The following DLC1 variants were observed in gnomAD, a reference collection of about 807,000 sequenced individuals.
DLC1 encodes the protein rho GTPase-activating protein 7.
In DLC1, 54 loss-of-function variants were observed where a neutral mutation model predicts 140.3. That is an observed-to-expected ratio of 0.38 (90% CI 0.31 to 0.48). The LOEUF is 0.48. DLC1 is among the 20% of genes least tolerant of loss of function. The probability of loss-of-function intolerance (pLI) is 0.96; values close to 1 mark genes in which losing one functional copy is unlikely to be tolerated. For missense variants in DLC1, 2,536 were observed against 1,907.0 expected, an observed-to-expected ratio of 1.33 and a Z score of -6.14; for synonymous variants, 986 against 728.1, an observed-to-expected ratio of 1.35 and a Z score of -5.70.
chr8:13,176,829 A>T (rs1429709238), intron 5 of DLC1, among the ~76,000 whole-genome samples: 1 of 152,188 alleles, frequency 6.6e-6, no homozygotes, highest in African/African-American at 2.4e-5. Flanking sequence ...TGTAATCACA[A>T]GAGTCCTTAC....
chr8:13,491,705 C>T (rs926178907), intron 2 of DLC1, among the ~76,000 whole-genome samples: 1 of 152,130 alleles, frequency 6.6e-6, no homozygotes, highest in African/African-American at 2.4e-5. Flanking sequence ...CCAGATTTTA[C>T]ATGATTCCCT....
chr8:13,221,033 A>T (rs1470136560), intron 5 of DLC1, among the ~76,000 whole-genome samples: 1 of 152,190 alleles, frequency 6.6e-6, no homozygotes, highest in Non-Finnish European at 1.5e-5. Flanking sequence ...CCAAGGGGGT[A>T]CTAGAGGTTA....
chr8:13,406,266 C>T (rs1016218768), intron 2 of DLC1, among the ~76,000 whole-genome samples: 3 of 145,072 alleles, frequency 2.1e-5, no homozygotes, highest in African/African-American at 7.6e-5. Flanking sequence ...GATCCGCCCA[C>T]CTCAGCCTCC....
chr8:13,328,325 G>C (rs1472079578), intron 4 of DLC1, among the ~76,000 whole-genome samples: 1 of 152,122 alleles, frequency 6.6e-6, no homozygotes, highest in African/African-American at 2.4e-5. Context: ...TGCTAGTGAT[G>C]AATATGGGGA....
At chr8:13,257,474 T>A (rs1052322430) in intron 5 of DLC1, among the ~76,000 whole-genome samples, 3 of 149,936 alleles carry the variant, frequency 2.0e-5, no homozygotes, top group Non-Finnish European at 4.4e-5. Flanking sequence ...AATTCTGACA[T>A]GTGCATTGAA....
At chr8:13,169,183 T>A (rs1203660177) in intron 5 of DLC1, among the ~76,000 whole-genome samples, 1 of 152,250 alleles carries the variant, frequency 6.6e-6, no homozygotes, top group Non-Finnish European at 1.5e-5. Flanking sequence ...TACTCATTTT[T>A]AACCTTTGAT....
intron 1 of DLC1, among the ~76,000 whole-genome samples, chr8:13,561,634 C>CTAT (rs547664360): frequency 1.2e-3 from 176 of 152,152 alleles, no homozygotes; most frequent in African/African-American, 4.1e-3. Flanking sequence ...CTTCATCTGT[C>CTAT]TATTCATTTA....
chr8:13,172,287 C>T (rs1825528600), intron 5 of DLC1, among the ~76,000 whole-genome samples: 1 of 152,162 alleles, frequency 6.6e-6, no homozygotes, highest in Non-Finnish European at 1.5e-5. Flanking sequence ...GTGTGGCCAG[C>T]TGGAGCCTCA....
intron 5 of DLC1, among the ~76,000 whole-genome samples, chr8:13,137,383 G>C (rs1822649526): frequency 6.6e-6 from 1 of 152,142 alleles, no homozygotes; most frequent in Non-Finnish European, 1.5e-5. Flanking sequence ...GGAATTACCT[G>C]TTCAATGTAG....
chr8:13,088,386 T>C (rs1297844322), intron 16 of DLC1, 101 bp downstream of exon 16: 5 of 1,365,326 alleles, frequency 3.7e-6, no homozygotes, highest in African/African-American at 1.5e-5. Flanking sequence ...GCCCGGCCTC[T>C]ACTTTAAATA....
intron 4 of DLC1, among the ~76,000 whole-genome samples, chr8:13,379,006 C>G (rs1185422956): frequency 3.3e-5 from 5 of 152,134 alleles, no homozygotes; most frequent in Non-Finnish European, 5.9e-5. Context: ...TTGCCTCAAG[C>G]TTTTAAATGG....
intron 2 of DLC1, among the ~76,000 whole-genome samples, chr8:13,414,790 T>C (rs1331858827): frequency 1.3e-5 from 2 of 151,980 alleles, no homozygotes; most frequent in Non-Finnish European, 1.5e-5. Context: ...TTTGACACGA[T>C]GTTATCATTT....
chr8:13,329,473 A>C (rs1292832426), intron 4 of DLC1, among the ~76,000 whole-genome samples: 12 of 152,140 alleles, frequency 7.9e-5, no homozygotes, highest in Admixed American at 7.9e-4. Flanking sequence ...CCCAGTCATC[A>C]CCTAATCTAT....
At chr8:13,293,611 C>G (rs558995380) in intron 5 of DLC1, among the ~76,000 whole-genome samples, 1 of 152,144 alleles carries the variant, frequency 6.6e-6, no homozygotes, top group African/African-American at 2.4e-5. Flanking sequence ...AAAAACGAAA[C>G]GGGAGGTTTC....
chr8:13,279,139 C>T (rs1444196519), intron 5 of DLC1, among the ~76,000 whole-genome samples: 2 of 152,106 alleles, frequency 1.3e-5, no homozygotes, highest in African/African-American at 4.8e-5. Context: ...ACGAACAGGA[C>T]CTAGGGTGTG....
At chr8:13,093,516 A>G (rs561681) in intron 12 of DLC1, among the ~76,000 whole-genome samples, 86,807 of 152,028 alleles carry the variant, frequency 0.57, 25,228 homozygotes, top group South Asian at 0.66. Context: ...AAATAAACCC[A>G]TAAACAATCT....
intron 4 of DLC1, among the ~76,000 whole-genome samples, chr8:13,376,655 G>C (rs1586234277): frequency 6.6e-6 from 1 of 152,200 alleles, no homozygotes; most frequent in Non-Finnish European, 1.5e-5. Flanking sequence ...CAAAGGGGGA[G>C]TTGAAATTTA....
intron 2 of DLC1, among the ~76,000 whole-genome samples, chr8:13,450,717 T>G (rs1798999999): frequency 6.6e-6 from 1 of 151,922 alleles, no homozygotes; most frequent in African/African-American, 2.4e-5. Context: ...ATCAACATAG[T>G]TCTCCAAATC....
chr8:13,552,111 G>GCATATATATATATA (rs1554542382), intron 1 of DLC1, among the ~76,000 whole-genome samples: 1 of 54,534 alleles, frequency 1.8e-5, no homozygotes, highest in Non-Finnish European at 3.3e-5. Context: ...GTCTAGAGGT[G>GCATATATATATATA]TATATATATA....
Sources: gnomAD v4.1 joint callset for allele counts (sites outside exome capture counted in the v4.1 genomes callset) on GRCh38, gnomAD v4.1.1 for gene constraint, MANE v1.5 for transcripts, NCBI Gene and HGNC (gene_info 2026-07-23, HGNC 2026-07-21) for gene names.